SCHIP1: variants seen among roughly 807,000 people sequenced by gnomAD.
SCHIP1 encodes the protein schwannomin interacting protein 1.
A neutral mutation model predicts 29.7 loss-of-function variants in SCHIP1; 8 were observed. The ratio of observed to expected loss-of-function variants is 0.27; its 90% CI spans 0.16 to 0.49. The LOEUF (loss-of-function observed/expected upper bound fraction) is 0.49, where lower values mean the gene tolerates loss of function less well. SCHIP1 is among the 20% of genes least tolerant of loss of function. SCHIP1 has a pLI of 0.99. For missense variants in SCHIP1, 193 were observed against 294.6 expected (o/e 0.66, Z 2.52); for synonymous variants, 76 against 94.9 (o/e 0.80, Z 1.16).
At chr3:159,283,337 GA>G in the SCHIP1 span, among the ~76,000 whole-genome samples, 1 of 152,024 alleles carries the variant, frequency 6.6e-6, no homozygotes, top group Admixed American at 6.5e-5. Flanking sequence ...ATTCTCAGTA[GA>G]GACGAGGTTT....
At chr3:159,390,235 A>G in the SCHIP1 span, among the ~76,000 whole-genome samples, 1 of 152,214 alleles carries the variant, frequency 6.6e-6, no homozygotes, top group East Asian at 1.9e-4. Context: ...GATCAGTACA[A>G]TACTAAAGTG....
chr3:159,317,220 A>G, the SCHIP1 span, among the ~76,000 whole-genome samples: 3 of 152,180 alleles, frequency 2.0e-5, no homozygotes, highest in African/African-American at 7.2e-5. Context: ...GTCTGGGTCA[A>G]TCACCCCAGC....
chr3:159,535,944 G>A, the SCHIP1 span, among the ~76,000 whole-genome samples: 6 of 152,128 alleles, frequency 3.9e-5, no homozygotes, highest in African/African-American at 1.4e-4. Flanking sequence ...GCAGACTCCC[G>A]GTCTAGAGCT....
the SCHIP1 span, among the ~76,000 whole-genome samples, chr3:159,472,961 A>G: frequency 6.6e-6 from 1 of 152,198 alleles, no homozygotes; most frequent in Non-Finnish European, 1.5e-5. Context: ...ATACCAACAC[A>G]TTAGGTAGCA....
chr3:159,553,070 A>G, the SCHIP1 span, among the ~76,000 whole-genome samples: 1 of 152,176 alleles, frequency 6.6e-6, no homozygotes, highest in Non-Finnish European at 1.5e-5. Flanking sequence ...GGCTGACAAT[A>G]CCTATTAAGT....
chr3:159,728,381 A>T, the SCHIP1 span, among the ~76,000 whole-genome samples: 1 of 152,208 alleles, frequency 6.6e-6, no homozygotes, highest in Non-Finnish European at 1.5e-5. Context: ...AGAATGAGGC[A>T]GGCAACCAGC....
the SCHIP1 span, among the ~76,000 whole-genome samples, chr3:159,621,454 ATATCTCCAACTCTT>A: frequency 6.6e-6 from 1 of 152,218 alleles, no homozygotes; most frequent in Admixed American, 6.5e-5. Flanking sequence ...TATAACTCAA[ATATCTCCAACTCTT>A]TATCTCACAG....
At chr3:159,880,195 C>A (rs753069732) in intron 2 of SCHIP1, among the ~76,000 whole-genome samples, 1 of 152,170 alleles carries the variant, frequency 6.6e-6, no homozygotes, top group Non-Finnish European at 1.5e-5. Context: ...CTCTCTTTGG[C>A]ATATAGTTGG....
the SCHIP1 span, among the ~76,000 whole-genome samples, chr3:159,378,045 T>C: frequency 6.6e-6 from 1 of 152,226 alleles, no homozygotes; most frequent in Non-Finnish European, 1.5e-5. Context: ...TTGATGACTC[T>C]CCCTGGAAAA....
At chr3:159,798,537 C>G in the SCHIP1 span, among the ~76,000 whole-genome samples, 9 of 152,060 alleles carry the variant, frequency 5.9e-5, no homozygotes, top group East Asian at 1.7e-3. Flanking sequence ...GCGGGGGGAT[C>G]ACTTGAGGTC....
the SCHIP1 span, among the ~76,000 whole-genome samples, chr3:159,398,309 G>C: frequency 6.6e-6 from 1 of 152,104 alleles, no homozygotes; most frequent in Admixed American, 6.5e-5. Flanking sequence ...GCTGGGAGCT[G>C]TAGGCCAGAG....
the SCHIP1 span, among the ~76,000 whole-genome samples, chr3:159,423,733 C>A: frequency 1.3e-4 from 20 of 152,184 alleles, no homozygotes; most frequent in African/African-American, 4.6e-4. Context: ...AGCTGGAGAT[C>A]TGAGAACGGG....
At chr3:159,666,218 T>C in the SCHIP1 span, among the ~76,000 whole-genome samples, 3 of 152,186 alleles carry the variant, frequency 2.0e-5, no homozygotes, top group Non-Finnish European at 4.4e-5. Flanking sequence ...ACTCCATAGA[T>C]TGCAAAGTGA....
At chr3:159,481,894 C>T in the SCHIP1 span, among the ~76,000 whole-genome samples, 6 of 151,990 alleles carry the variant, frequency 3.9e-5, no homozygotes, top group African/African-American at 7.2e-5. Flanking sequence ...TTCAGAAAAT[C>T]GGGCAGAGTG....
intron 1 of SCHIP1, among the ~76,000 whole-genome samples, chr3:159,865,389 G>GT (rs1316679649): frequency 1.3e-5 from 2 of 152,146 alleles, no homozygotes; most frequent in African/African-American, 4.8e-5. Flanking sequence ...CGTTTAATGA[G>GT]AAGCCAAGCA....
At chr3:159,429,642 A>C in the SCHIP1 span, among the ~76,000 whole-genome samples, 1 of 152,108 alleles carries the variant, frequency 6.6e-6, no homozygotes, top group Non-Finnish European at 1.5e-5. Context: ...TTTTCTCCCC[A>C]CCATGAAGCA....
chr3:159,349,942 T>TCAA, the SCHIP1 span, among the ~76,000 whole-genome samples: 1 of 152,198 alleles, frequency 6.6e-6, no homozygotes, highest in African/African-American at 2.4e-5. Context: ...CCTTACCTCT[T>TCAA]CAACTCTGTG....
the SCHIP1 span, among the ~76,000 whole-genome samples, chr3:159,695,744 TCCATACAGC>T: frequency 6.6e-6 from 1 of 152,288 alleles, no homozygotes; most frequent in Non-Finnish European, 1.5e-5. Context: ...GTTTCCAAGT[TCCATACAGC>T]CCATTTACCT....
chr3:159,479,991 C>T, the SCHIP1 span, among the ~76,000 whole-genome samples: 1 of 152,126 alleles, frequency 6.6e-6, no homozygotes, highest in Admixed American at 6.6e-5. Flanking sequence ...TTCTCAGGAT[C>T]ACTCAGCTAG....
Sources: allele counts gnomAD v4.1 joint callset (sites outside exome capture counted in the v4.1 genomes callset), GRCh38; gene constraint gnomAD v4.1.1; transcripts MANE v1.5; gene names NCBI Gene and HGNC (gene_info 2026-07-23, HGNC 2026-07-21).